The following PID1 variants were observed in gnomAD, a reference collection of about 807,000 sequenced individuals.
The protein encoded by PID1 is PTB-containing, cubilin and LRP1-interacting protein.
A neutral mutation model predicts 19.1 loss-of-function variants in PID1; 10 were observed. The ratio of observed to expected loss-of-function variants is 0.52; its 90% CI spans 0.32 to 0.89. The LOEUF (loss-of-function observed/expected upper bound fraction) is 0.89, where lower values mean the gene tolerates loss of function less well. PID1 is among the 40% of genes least tolerant of loss of function. PID1 has a pLI of 0.03. For missense variants in PID1, 248 were observed against 285.3 expected (o/e 0.87, Z 0.94); for synonymous variants, 130 against 116.0 (o/e 1.12, Z -0.78).
intron 2 of PID1, among the ~76,000 whole-genome samples, chr2:229,068,706 T>G (rs1012559157): frequency 2.6e-5 from 4 of 152,162 alleles, no homozygotes; most frequent in Non-Finnish European, 5.9e-5. Flanking sequence ...TCAGAGAAGT[T>G]ATGTTCCATG....
chr2:229,084,067 G>A (rs957979941), intron 2 of PID1, among the ~76,000 whole-genome samples: 1 of 152,158 alleles, frequency 6.6e-6, no homozygotes, highest in Admixed American at 6.5e-5. Flanking sequence ...ACAGCTCACT[G>A]CCAATCGGAC....
intron 2 of PID1, among the ~76,000 whole-genome samples, chr2:229,028,549 T>C (rs984808450): frequency 3.9e-5 from 6 of 152,202 alleles, no homozygotes; most frequent in Admixed American, 3.9e-4. Context: ...AATTAATATC[T>C]GGAATACATA....
intron 1 of PID1, among the ~76,000 whole-genome samples, chr2:229,256,674 C>G (rs1690307765): frequency 6.6e-6 from 1 of 152,310 alleles, no homozygotes; most frequent in Non-Finnish European, 1.5e-5. Context: ...CTTTGGGAAA[C>G]AGCAAACCTC....
chr2:229,234,487 C>G (rs1692281945), intron 1 of PID1, among the ~76,000 whole-genome samples: 1 of 152,172 alleles, frequency 6.6e-6, no homozygotes. Flanking sequence ...GGCAAGAAAA[C>G]AGCATCTTCC....
At position 229,241,402 on chromosome 2, in the gene PID1, G is replaced by A. The variant is rs1039218238; in HGVS notation, c.30+29612C>T. 7.2e-5 allele frequency among the ~76,000 whole-genome samples: 11 copies of A among 152,138 alleles called. No homozygotes were observed. The East Asian group carries it at 2.1e-3, about 29-fold the overall frequency. On this transcript the variant is annotated intron_variant, in intron 1 of 2. Coordinates refer to ENST00000392055, the MANE Select transcript of PID1 (RefSeq NM_001100818.2). ...TGTGGAGGCTTGACTTTTACAGTTT[G>A]GTAGGCTAGGTCTGTTTCCATTTTG...
At chr2:229,154,276 C>A (rs537122540) in intron 2 of PID1, among the ~76,000 whole-genome samples, 1 of 151,986 alleles carries the variant, frequency 6.6e-6, no homozygotes, top group Non-Finnish European at 1.5e-5. Context: ...CCACCCCCAG[C>A]GCCACCACTC....
In PID1 at chr2:229,166,298, G is replaced by A. The variant is rs549870780; in HGVS notation, c.31-10334C>T. 4.1e-5 allele frequency among the ~76,000 whole-genome samples: 6 copies of A among 146,348 alleles called. No homozygotes were observed. In the South Asian group the frequency reaches 1.3e-3, roughly 31 times the overall value. On this transcript the variant is annotated intron_variant, in intron 1 of 2. Coordinates refer to ENST00000392055, the MANE Select transcript of PID1 (RefSeq NM_001100818.2). ...ACTGAGAGGAGATCAGTTGTTGCCTGGGGATAGTGAGGAACGAAGAGAGGA... is the reference window on the plus strand; with the variant it reads ...ACTGAGAGGAGATCAGTTGTTGCCTAGGGATAGTGAGGAACGAAGAGAGGA...
intron 2 of PID1, among the ~76,000 whole-genome samples, chr2:229,149,886 A>ATG (rs2106189684): frequency 6.6e-6 from 1 of 152,244 alleles, no homozygotes; most frequent in African/African-American, 2.4e-5. Context: ...TGCAGAATCA[A>ATG]GACATGGACA....
At chr2:229,104,886 A>T (rs898031033) in intron 2 of PID1, among the ~76,000 whole-genome samples, 1 of 152,236 alleles carries the variant, frequency 6.6e-6, no homozygotes, top group Non-Finnish European at 1.5e-5. Flanking sequence ...GCTATAAACA[A>T]CATAGGTTTT....
intron 2 of PID1, among the ~76,000 whole-genome samples, chr2:229,115,037 A>G (rs1285580924): frequency 6.6e-6 from 1 of 152,218 alleles, no homozygotes; most frequent in Non-Finnish European, 1.5e-5. Context: ...GAATAATAGA[A>G]TACCTGAAAT....
intron 1 of PID1, among the ~76,000 whole-genome samples, chr2:229,167,400 A>T (rs1309171480): frequency 6.6e-6 from 1 of 152,174 alleles, no homozygotes; most frequent in Admixed American, 6.5e-5. Flanking sequence ...CTCTAAATAT[A>T]ATATACTGAG....
chr2:229,250,268 G>T (rs754966141), intron 1 of PID1, among the ~76,000 whole-genome samples: 5 of 152,180 alleles, frequency 3.3e-5, no homozygotes, highest in African/African-American at 4.8e-5. Flanking sequence ...CAACTTCTGA[G>T]TACTCAGATG....
At chr2:229,066,698 T>C (rs750526488) in intron 2 of PID1, among the ~76,000 whole-genome samples, 2 of 151,918 alleles carry the variant, frequency 1.3e-5, no homozygotes, top group African/African-American at 4.8e-5. Context: ...AGTTTCTATT[T>C]TGAGGACATA....
Position 229,147,886 on chromosome 2 carries a change from C to A in PID1, c.177+7932G>T, listed in dbSNP as rs115135904. On this transcript the variant is annotated intron_variant, in intron 2 of 2. Coordinates refer to ENST00000392055, the MANE Select transcript of PID1 (RefSeq NM_001100818.2). The stretch of plus-strand genomic sequence containing the variant: ...AAAGGACCACGATTTACAGCTATAG[C>A]CCTCACAGTGTATGGGGCACATGGA... 8.0e-3 allele frequency among the ~76,000 whole-genome samples: 1,224 copies of A among 152,238 alleles called. 9 individuals are homozygous for A. Among genetic ancestry groups the A allele is most frequent in the Non-Finnish European group, 0.012 (838 of 68,020 alleles).
At chr2:229,101,319 A>C (rs1695068935) in intron 2 of PID1, among the ~76,000 whole-genome samples, 1 of 152,172 alleles carries the variant, frequency 6.6e-6, no homozygotes, top group South Asian at 2.1e-4. Flanking sequence ...GCACTTATCA[A>C]CCCATCACCT....
intron 2 of PID1, among the ~76,000 whole-genome samples, chr2:229,028,934 C>T (rs978086072): frequency 3.9e-5 from 6 of 152,148 alleles, no homozygotes; most frequent in Admixed American, 3.9e-4. Context: ...ATAAGCGGCT[C>T]ACTCAATTTA....
intron 2 of PID1, among the ~76,000 whole-genome samples, chr2:229,105,625 A>G (rs1695161391): frequency 6.6e-6 from 1 of 152,202 alleles, no homozygotes; most frequent in African/African-American, 2.4e-5. Context: ...TACCTAGCAG[A>G]ATGCTTGAGA....
intron 1 of PID1, among the ~76,000 whole-genome samples, chr2:229,213,692 A>G (rs1044616316): frequency 2.0e-5 from 3 of 152,186 alleles, no homozygotes; most frequent in Admixed American, 2.0e-4. Flanking sequence ...GGTAAACATT[A>G]TATCTTCCTT....
At chr2:229,134,645 T>A (rs1461056137) in intron 2 of PID1, among the ~76,000 whole-genome samples, 2 of 152,196 alleles carry the variant, frequency 1.3e-5, no homozygotes, top group Admixed American at 6.5e-5. Context: ...AATGGTCCCA[T>A]ACTATGATAA....
Sources: allele counts gnomAD v4.1 joint callset (sites outside exome capture counted in the v4.1 genomes callset), GRCh38; gene constraint gnomAD v4.1.1; transcripts MANE v1.5; gene names NCBI Gene and HGNC (gene_info 2026-07-23, HGNC 2026-07-21).